Variants in DNM3 observed in about 807,000 individuals in gnomAD.
The protein encoded by DNM3 is dynamin 3.
DNM3 carries 47 observed loss-of-function variants against 101.6 expected under a neutral mutation model. The ratio of observed to expected loss-of-function variants is 0.46; its 90% confidence interval spans 0.37 to 0.59. The LOEUF (loss-of-function observed/expected upper bound fraction) is 0.59. Ranked by LOEUF, DNM3 falls within the 20% of genes least tolerant of loss-of-function variation. The pLI is 0.00. For synonymous variants in DNM3, 385 were observed against 387.9 expected (o/e 0.99, Z 0.09); for missense variants, 849 against 1,085.7 (o/e 0.78, Z 3.06).
intron 12 of DNM3, among the ~76,000 whole-genome samples, chr1:172,090,796 G>T (rs2053856591): frequency 6.6e-6 from 1 of 152,144 alleles, no homozygotes; most frequent in Admixed American, 6.5e-5. Flanking sequence ...TCTAAGTGTG[G>T]TGTTGATTTC....
intron 14 of DNM3, among the ~76,000 whole-genome samples, chr1:172,192,324 C>T (rs1412434070): frequency 6.7e-6 from 1 of 150,164 alleles, no homozygotes; most frequent in Non-Finnish European, 1.5e-5. Context: ...TTGAACCAGC[C>T]TTGCATCCCA....
intron 11 of DNM3, among the ~76,000 whole-genome samples, chr1:172,072,855 C>G (rs765353180): frequency 1.3e-5 from 2 of 152,108 alleles, no homozygotes; most frequent in Non-Finnish European, 1.5e-5. Context: ...CCATTGCACT[C>G]CAGCCTGGGC....
chr1:172,254,562 C>T (rs778784812), intron 15 of DNM3, among the ~76,000 whole-genome samples: 1 of 152,136 alleles, frequency 6.6e-6, no homozygotes, highest in Non-Finnish European at 1.5e-5. Flanking sequence ...GATGCTAACT[C>T]ACTTTCTTAA....
chr1:172,314,350 A>G (rs1029977140), intron 16 of DNM3, among the ~76,000 whole-genome samples: 9 of 152,306 alleles, frequency 5.9e-5, no homozygotes, highest in African/African-American at 2.2e-4. Flanking sequence ...CTGAGGTAGC[A>G]GGTTCATCTC....
intron 2 of DNM3, among the ~76,000 whole-genome samples, chr1:171,928,535 T>A (rs561172638): frequency 6.6e-6 from 1 of 152,216 alleles, no homozygotes; most frequent in South Asian, 2.1e-4. Context: ...TGTCTGGTGA[T>A]GAGCACTGGA....
chr1:172,288,542 C>T (rs2063784463), intron 15 of DNM3, among the ~76,000 whole-genome samples: 2 of 152,152 alleles, frequency 1.3e-5, no homozygotes, highest in Non-Finnish European at 2.9e-5. Flanking sequence ...TAGAGAGGAA[C>T]AAGTGCAGGA....
intron 14 of DNM3, among the ~76,000 whole-genome samples, chr1:172,247,295 A>G (rs2061991054): frequency 6.6e-6 from 1 of 152,190 alleles, no homozygotes; most frequent in Non-Finnish European, 1.5e-5. Context: ...GAAAAAGACA[A>G]CAATTAGGAG....
intron 18 of DNM3, 147 bp from the exon 19 acceptor site, chr1:172,386,985 AC>A: frequency 1.6e-6 from 1 of 641,728 alleles, no homozygotes; most frequent in Non-Finnish European, 2.7e-6. Context: ...ACAAAAGTAA[AC>A]AGACGCTTGG....
At chr1:171,852,917 G>A (rs1204227867) in intron 1 of DNM3, among the ~76,000 whole-genome samples, 1 of 151,616 alleles carries the variant, frequency 6.6e-6, no homozygotes, top group African/African-American at 2.4e-5. Context: ...GTTTTAAACA[G>A]TCTACGATTT....
At chr1:172,109,051 GT>G (rs1316825737) in intron 13 of DNM3, among the ~76,000 whole-genome samples, 1 of 152,112 alleles carries the variant, frequency 6.6e-6, no homozygotes, top group Non-Finnish European at 1.5e-5. Context: ...TCTTTATGGA[GT>G]TTTGCCATCT....
At chr1:172,391,056 G>A (rs1026325997) in intron 20 of DNM3, among the ~76,000 whole-genome samples, 9 of 152,168 alleles carry the variant, frequency 5.9e-5, no homozygotes, top group African/African-American at 1.9e-4. Context: ...CAAGGCAGCC[G>A]GATGAGAATG....
At chr1:172,148,632 G>T (rs553023859) in intron 14 of DNM3, among the ~76,000 whole-genome samples, 2 of 152,130 alleles carry the variant, frequency 1.3e-5, no homozygotes, top group South Asian at 2.1e-4. Flanking sequence ...TGAAAAGCAG[G>T]ATCTAACCAA....
chr1:172,210,756 A>G (rs1482158604), intron 14 of DNM3, among the ~76,000 whole-genome samples: 7 of 152,150 alleles, frequency 4.6e-5, no homozygotes, highest in African/African-American at 1.7e-4. Context: ...GAGAGACAGA[A>G]GAAAGCAGAT....
At chr1:172,271,628 T>C (rs1167676627) in intron 15 of DNM3, among the ~76,000 whole-genome samples, 1 of 152,154 alleles carries the variant, frequency 6.6e-6, no homozygotes, top group Non-Finnish European at 1.5e-5. Flanking sequence ...TCTTCTTCTT[T>C]GATATTCCAC....
At chr1:172,027,585 AAC>A (rs61620821) in intron 4 of DNM3, among the ~76,000 whole-genome samples, 306 of 141,198 alleles carry the variant, frequency 2.2e-3, no homozygotes, top group Middle Eastern at 0.011. Flanking sequence ...TGTCTCAAGA[AAC>A]ACACACACAC....
intron 5 of DNM3, among the ~76,000 whole-genome samples, chr1:172,032,784 G>A (rs1327277071): frequency 6.6e-6 from 1 of 151,922 alleles, no homozygotes; most frequent in African/African-American, 2.4e-5. Context: ...TTCATCATAG[G>A]CTACATAAAC....
chr1:172,143,305 A>T (rs1270188999), intron 14 of DNM3, among the ~76,000 whole-genome samples: 4 of 152,180 alleles, frequency 2.6e-5, no homozygotes, highest in African/African-American at 9.6e-5. Context: ...ACCCTGTAGA[A>T]GAGATGTTTT....
rs1330791037 is a variant in DNM3 at position 172,101,732 on chromosome 1, A to ATGTTTAACCACAGTTCTAATCACTG, written c.1545+8878_1545+8902dup. Among the ~76,000 whole-genome samples, 91 of 152,298 alleles carry ATGTTTAACCACAGTTCTAATCACTG rather than the reference A, an allele frequency of 6.0e-4. 2 individuals carry two copies. The highest frequency in any genetic ancestry group is 2.7e-3 in the South Asian group (13 of 4,828). On this transcript the variant is annotated intron_variant, in intron 13 of 20. Coordinates refer to ENST00000627582, the MANE Select transcript of DNM3 (RefSeq NM_015569.5). ...CACCAGGATTCAAATCTTAATCACC[A>ATGTTTAACCACAGTTCTAATCACTG]TGTTTAACCACAGTTCTAATCACTG...
Position 172,323,314 on chromosome 1 carries a change from C to G in DNM3, c.1882-15C>G, listed in dbSNP as rs748251436. 1 of 1,595,948 alleles carries G rather than the reference C, an allele frequency of 6.3e-7. No individual in the cohort carries two copies. Among genetic ancestry groups the G allele is most frequent in the South Asian group, 1.1e-5 (1 of 87,396 alleles). ...AACATATTTCTCTTTCTTTTCCTTGCGGCTACATGCATAGGGGAACAACAA... is the reference window on the plus strand; with the variant it reads ...AACATATTTCTCTTTCTTTTCCTTGGGGCTACATGCATAGGGGAACAACAA... On this transcript the variant is annotated splice_polypyrimidine_tract_variant and intron_variant, in intron 16 of 20. Coordinates refer to ENST00000627582, the MANE Select transcript of DNM3 (RefSeq NM_015569.5).
Sources: allele counts gnomAD v4.1 joint callset (sites outside exome capture counted in the v4.1 genomes callset), GRCh38; gene constraint gnomAD v4.1.1; transcripts MANE v1.5; gene names NCBI Gene and HGNC (gene_info 2026-07-23, HGNC 2026-07-21).